The following ACSL3 variants were observed in gnomAD, a reference collection of about 807,000 sequenced individuals.
The protein encoded by ACSL3 is fatty acid CoA ligase Acsl3.
ACSL3 carries 34 observed loss-of-function variants against 84.7 expected under a neutral mutation model. The ratio of observed to expected loss-of-function variants is 0.40; its 90% CI spans 0.31 to 0.53. The LOEUF (loss-of-function observed/expected upper bound fraction) is 0.53. ACSL3 is among the 20% of genes least tolerant of loss of function. The pLI is 0.48. For synonymous variants in ACSL3, 315 were observed against 299.4 expected (o/e 1.05, Z -0.54); for missense variants, 680 against 873.1 (o/e 0.78, Z 2.79).
intron 5 of ACSL3, 37 bp from the exon 6 acceptor site, chr2:222,918,009 G>C (rs371647391): frequency 1.4e-6 from 2 of 1,438,004 alleles, no homozygotes; most frequent in African/African-American, 2.8e-5. Flanking sequence ...GTAGTTAAAT[G>C]TTTGAATATT....
chr2:222,869,778 C>A (rs915636613), intron 1 of ACSL3, among the ~76,000 whole-genome samples: 9 of 152,208 alleles, frequency 5.9e-5, no homozygotes, highest in Admixed American at 5.2e-4. Flanking sequence ...AAAACTGAGC[C>A]ATCAACTGCT....
At chr2:222,900,005 A>T (rs1157791882) in intron 2 of ACSL3, among the ~76,000 whole-genome samples, 2 of 152,108 alleles carry the variant, frequency 1.3e-5, no homozygotes, top group Non-Finnish European at 2.9e-5. Context: ...GCCCTCACCA[A>T]AGACGGAGTC....
chr2:222,924,387 C>G lies in ACSL3; in HGVS notation c.1153-69C>G. On this transcript the variant is annotated intron_variant, in intron 10 of 16. Transcript: ENST00000357430. Reference sequence around the variant, plus strand: ...CCTTAATATTGCTAGAAATGTTAATCTAATGCTAAGTGAATATGTAAGGCA... The same window carrying G: ...CCTTAATATTGCTAGAAATGTTAATGTAATGCTAAGTGAATATGTAAGGCA... 3.8e-6 allele frequency: 5 copies of G among 1,329,524 alleles called. No individual in the cohort carries two copies. In the South Asian group the frequency reaches 5.0e-5, roughly 13 times the overall value. The allele number at this position is 1,329,524 out of a possible 1,614,324, so 82.4% of individuals were successfully genotyped here.
chr2:222,896,995 T>C (rs1334723983), intron 2 of ACSL3, among the ~76,000 whole-genome samples: 5 of 14,882 alleles, frequency 3.4e-4, no homozygotes, highest in Non-Finnish European at 5.0e-4. Flanking sequence ...ACCTCCCTCC[T>C]GGACGGGGCG....
chr2:222,903,581 A>G (rs1169479926), intron 3 of ACSL3, among the ~76,000 whole-genome samples: 1 of 152,256 alleles, frequency 6.6e-6, no homozygotes, highest in Non-Finnish European at 1.5e-5. Flanking sequence ...GGAACTCAAG[A>G]AATATTAAAT....
chr2:222,876,467 G>A (rs1436215936), intron 1 of ACSL3, among the ~76,000 whole-genome samples: 2 of 151,904 alleles, frequency 1.3e-5, no homozygotes, highest in African/African-American at 2.4e-5. Flanking sequence ...GACTACAGGC[G>A]TGTGCCACCA....
rs780598298 is a variant in ACSL3, at chr2:222,908,910, G to T, written c.138G>T (p.Glu46Asp). 1 of 1,611,862 alleles carries T rather than the reference G, an allele frequency of 6.2e-7. No homozygotes were observed. The highest frequency in any genetic ancestry group is 8.5e-7 in the Non-Finnish European group (1 of 1,179,214). The change falls in exon 4 of 17, where the codon GAG becomes GAT. Residue 46 changes from glutamate (E) to aspartate (D), a missense_variant. Glu to Asp is a conservative substitution (Grantham distance 45). Transcript: ENST00000357430. ...LTYIPFYFFS[E>D]SRQEKSNRIK... is the part of the protein sequence containing the mutation. ...ACATTCCGTTTTATTTTTTCTCCGA[G>T]TCAAGACAAGAAAAATCAAACCGAA...
intron 1 of ACSL3, among the ~76,000 whole-genome samples, chr2:222,882,643 CT>C (rs1415933026): frequency 1.8e-4 from 28 of 152,066 alleles, no homozygotes; most frequent in Admixed American, 1.8e-3. Context: ...GGCGGTAATA[CT>C]TGCTCACCTG....
chr2:222,941,529 A>C lies in ACSL3; in HGVS notation c.2038A>C (p.Ile680Leu), dbSNP rs1032279908. 6.2e-7 allele frequency: 1 copy of C among 1,608,964 alleles called. No homozygotes were observed. The highest frequency in any genetic ancestry group is 8.5e-7 in the Non-Finnish European group (1 of 1,178,202). ...GGAAAAGTTTGAAATTCCAGTAAAA[A>C]TTCGTTTGAGTCCTGAACCGTGGAC... is the stretch of plus-strand genomic sequence containing the variant. ...SLEKFEIPVK[I>L]RLSPEPWTPE... The change falls in exon 17 of 17, where the codon ATT (isoleucine) becomes CTT (leucine). Residue 680 changes from isoleucine (I) to leucine (L), a missense_variant. Transcript: ENST00000357430.
chr2:222,921,100 ATC>A, intron 7 of ACSL3, 178 bp from the exon 8 acceptor site: 3 of 725,088 alleles, frequency 4.1e-6, no homozygotes, highest in Non-Finnish European at 7.5e-6. Context: ...AATAGAATAT[ATC>A]TCCCATACGT....
Position 222,930,707 on chromosome 2 carries a change from G to A in ACSL3, c.1627G>A (p.Glu543Lys). 6.2e-7 allele frequency: 1 copy of A among 1,614,088 alleles called. No individual in the cohort carries two copies. The highest frequency in any genetic ancestry group is 8.5e-7 in the Non-Finnish European group (1 of 1,179,972). The change falls in exon 14 of 17, where the codon GAA becomes AAA. Residue 543 changes from glutamate (E) to lysine (K), a missense_variant. Around this residue, in one of 2 missense-constraint regions of ACSL3, gnomAD observed 347 missense variants for 525.7 expected, o/e 0.66. Transcript: ENST00000357430. Reference sequence around the variant, plus strand: ...TGTGACAATGGGGTACTACAAAAATGAAGCAAAAACAAAAGCTGATTTCTT... The same window carrying A: ...TGTGACAATGGGGTACTACAAAAATAAAGCAAAAACAAAAGCTGATTTCTT... ...QSVTMGYYKN[E>K]AKTKADFFED...
chr2:222,878,947 A>T (rs1695524032), intron 1 of ACSL3, among the ~76,000 whole-genome samples: 1 of 152,192 alleles, frequency 6.6e-6, no homozygotes, highest in Admixed American at 6.5e-5. Context: ...GGGCTGTGGT[A>T]ATAACCACAT....
chr2:222,905,350 G>A (rs1451751541), intron 3 of ACSL3, among the ~76,000 whole-genome samples: 5 of 152,122 alleles, frequency 3.3e-5, no homozygotes, highest in African/African-American at 1.2e-4. Context: ...TTGTAGAGAT[G>A]AGGTTTTACT....
chr2:222,910,746 G>A (rs1696420071), intron 4 of ACSL3, among the ~76,000 whole-genome samples: 1 of 152,176 alleles, frequency 6.6e-6, no homozygotes, highest in African/African-American at 2.4e-5. Flanking sequence ...AAACCATCCT[G>A]ATTTATACTT....
intron 3 of ACSL3, among the ~76,000 whole-genome samples, chr2:222,903,847 G>T (rs1696220065): frequency 6.6e-6 from 1 of 152,108 alleles, no homozygotes; most frequent in South Asian, 2.1e-4. Flanking sequence ...GGTATTCAGT[G>T]AGCAGGTCAA....
At chr2:222,920,752 A>G (rs1307620242) in intron 7 of ACSL3, among the ~76,000 whole-genome samples, 2 of 152,182 alleles carry the variant, frequency 1.3e-5, no homozygotes, top group Non-Finnish European at 2.9e-5. Context: ...GTGGCCTTTG[A>G]GGTCCTATGT....
chr2:222,907,367 G>A (rs1466527643), intron 3 of ACSL3, among the ~76,000 whole-genome samples: 2 of 152,212 alleles, frequency 1.3e-5, no homozygotes, highest in South Asian at 2.1e-4. Flanking sequence ...GGTAGGAGGT[G>A]AAAAATGCTG....
At chr2:222,883,947 C>T (rs1276164852) in intron 1 of ACSL3, among the ~76,000 whole-genome samples, 1 of 152,072 alleles carries the variant, frequency 6.6e-6, no homozygotes, top group Non-Finnish European at 1.5e-5. Flanking sequence ...GCATTGCATT[C>T]TTGTTTCATA....
intron 3 of ACSL3, among the ~76,000 whole-genome samples, 154 bp downstream of exon 3, chr2:222,900,934 C>G (rs1432415239): frequency 6.6e-6 from 1 of 152,214 alleles, no homozygotes; most frequent in Non-Finnish European, 1.5e-5. Flanking sequence ...AACAGTTCAA[C>G]TTCGTCTCCT....
Sources: gnomAD v4.1 joint callset for allele counts (sites outside exome capture counted in the v4.1 genomes callset) on GRCh38, gnomAD v4.1.1 for gene constraint, gnomAD v4.1.1 regional missense constraint, MANE v1.5 for transcripts, NCBI Gene and HGNC (gene_info 2026-07-23, HGNC 2026-07-21) for gene names.